Variants in KIAA1671 observed in about 807,000 individuals in gnomAD.
KIAA1671 encodes uncharacterized protein KIAA1671.
Under a neutral mutation model 131.2 loss-of-function variants are expected in KIAA1671, and 52 were observed. That is an observed-to-expected ratio of 0.40 (90% CI 0.32 to 0.50). The LOEUF (loss-of-function observed/expected upper bound fraction) is 0.50, where lower values mean the gene tolerates loss of function less well. KIAA1671 is among the 20% of genes least tolerant of loss of function. The pLI is 0.73. For missense variants in KIAA1671, 2,360 were observed against 2,364.2 expected, an observed-to-expected ratio of 1.00 and a Z score of 0.04; for synonymous variants, 1,003 against 961.6, an observed-to-expected ratio of 1.04 and a Z score of -0.80.
intron 9 of KIAA1671, chr22:25,179,596 G>A (rs1032276584): frequency 7.9e-7 from 1 of 1,265,658 alleles, no homozygotes; most frequent in African/African-American, 1.5e-5. Context: ...CCAATGCGTT[G>A]GCCTCCAGGG....
At chr22:25,050,196 T>G (rs1047627292) in intron 6 of KIAA1671, 1 of 152,314 alleles carries the variant, frequency 6.6e-6, no homozygotes, top group East Asian at 1.9e-4. Context: ...GTTTCCTTAC[T>G]TGTGAAAGGA....
intron 1 of KIAA1671, among the ~76,000 whole-genome samples, chr22:24,953,366 G>A (rs1921512819): frequency 2.0e-5 from 3 of 152,212 alleles, no homozygotes; most frequent in African/African-American, 7.2e-5. Flanking sequence ...AGGGCGGCGA[G>A]CGAGACGGAA....
rs1568951523 is a variant in KIAA1671 at position 25,093,824 on chromosome 22, T to TTCTCTCTCTCTCTCTCTCTCTC, written c.4530+44469_4530+44470insCTCTCTCTCTCTCTCTCTCTCT. On this transcript the variant is annotated intron_variant, in intron 6 of 12. Transcript: ENST00000358431. ...TCTCTCTCTCTCTGTCTCTCTCTCTTTCTCTCTCTGTCTGTCTCTCTCTCT... is the reference window on the plus strand; with the variant it reads ...TCTCTCTCTCTCTGTCTCTCTCTCTTTCTCTCTCTCTCTCTCTCTCTCTCTCTCTCTGTCTGTCTCTCTCTCT... 1.4e-4 allele frequency among the ~76,000 whole-genome samples: 3 copies of TTCTCTCTCTCTCTCTCTCTCTC among 21,920 alleles called. 1 individual carries two copies. The highest frequency in any genetic ancestry group is 4.4e-4 in the Admixed American group (1 of 2,282). 14.4% of individuals were successfully genotyped at this position (21,920 alleles called of 152,430 possible).
intron 6 of KIAA1671, among the ~76,000 whole-genome samples, chr22:25,158,758 A>G (rs1016450688): frequency 2.6e-4 from 39 of 152,184 alleles, no homozygotes; most frequent in African/African-American, 8.7e-4. Flanking sequence ...AAGTGGGGAT[A>G]GTAACAGTAC....
intron 6 of KIAA1671, among the ~76,000 whole-genome samples, chr22:25,135,584 A>G (rs1037638636): frequency 6.6e-6 from 1 of 152,198 alleles, no homozygotes; most frequent in Non-Finnish European, 1.5e-5. Flanking sequence ...CTCGAAGTCT[A>G]AAGAATTGAA....
Position 25,193,263 on chromosome 22 carries a change from C to T in KIAA1671, c.*862C>T, listed in dbSNP as rs1280941414. ...GTCACTCTTGTATTTATTTCCATGG[C>T]TTCTTTTCATTTGAGCTCTGGTTTC... On this transcript the variant is annotated 3_prime_UTR_variant, in exon 13 of 13. Coordinates refer to ENST00000358431, the MANE Select transcript of KIAA1671 (RefSeq NM_001145206.2). 6.6e-6 allele frequency: 1 copy of T among 152,098 alleles called. No individual in the cohort carries two copies. The highest frequency in any genetic ancestry group is 2.4e-5 in the African/African-American group (1 of 41,402). The allele number at this position is 152,098 out of a possible 1,614,324, so 9.4% of individuals were successfully genotyped here.
rs373577819 is a variant in KIAA1671, at chr22:25,042,023, C to A, written c.4395+498C>A. On this transcript the variant is annotated intron_variant, in intron 5 of 12. Transcript: ENST00000358431. ...CCTCCCAAAGTGCTGGGATGACAGG[C>A]GTGTGCCACCATGCCTGGCCCAGCT... 2.0e-5 allele frequency among the ~76,000 whole-genome samples: 3 copies of A among 152,152 alleles called. No individual in the cohort carries two copies. The East Asian group carries it at 5.8e-4, about 29-fold the overall frequency.
At chr22:25,190,942 T>C (rs377595201) in intron 12 of KIAA1671, among the ~76,000 whole-genome samples, 158 bp downstream of exon 12, 29 of 151,886 alleles carry the variant, frequency 1.9e-4, no homozygotes, top group Admixed American at 1.4e-3. Flanking sequence ...TGAGTTCCTG[T>C]AAAGAGGATG....
At chr22:25,156,406 CATGTGTAT>C (rs937119589) in intron 6 of KIAA1671, among the ~76,000 whole-genome samples, 3 of 151,536 alleles carry the variant, frequency 2.0e-5, no homozygotes, top group African/African-American at 7.3e-5. Flanking sequence ...TTTATATTTT[CATGTGTAT>C]ATGTGTTTGT....
At chr22:24,967,115 C>T (rs1788879759) in intron 1 of KIAA1671, among the ~76,000 whole-genome samples, 2 of 152,128 alleles carry the variant, frequency 1.3e-5, no homozygotes, top group Non-Finnish European at 2.9e-5. Flanking sequence ...ATTCTAGAGC[C>T]TCTTATTTCT....
intron 1 of KIAA1671, among the ~76,000 whole-genome samples, chr22:24,967,705 G>C (rs915503168): frequency 6.6e-6 from 1 of 152,142 alleles, no homozygotes; most frequent in African/African-American, 2.4e-5. Context: ...TTAAGACTTG[G>C]ATGAGGGCCG....
chr22:25,042,657 T>C (rs1424066077), intron 5 of KIAA1671, among the ~76,000 whole-genome samples: 2 of 151,330 alleles, frequency 1.3e-5, no homozygotes, highest in Admixed American at 6.6e-5. Flanking sequence ...TTTTTTTTAG[T>C]AGAGACGGGG....
At chr22:25,081,917 C>T (rs1929427937) in intron 6 of KIAA1671, among the ~76,000 whole-genome samples, 2 of 151,938 alleles carry the variant, frequency 1.3e-5, no homozygotes, top group Admixed American at 6.6e-5. Context: ...TAAAAATTAC[C>T]CCGCTGGGTA....
intron 6 of KIAA1671, among the ~76,000 whole-genome samples, chr22:25,110,273 C>T (rs1931263861): frequency 6.6e-6 from 1 of 152,192 alleles, no homozygotes; most frequent in Non-Finnish European, 1.5e-5. Context: ...TGACCAGTGT[C>T]TAGAAAACAA....
chr22:25,005,177 G>C (rs920055270), intron 1 of KIAA1671, among the ~76,000 whole-genome samples: 2 of 149,046 alleles, frequency 1.3e-5, no homozygotes, highest in African/African-American at 5.0e-5. Context: ...GTGAAACCCT[G>C]TCTCTACTAA....
At chr22:25,179,105 G>T (rs932945035) in intron 9 of KIAA1671, among the ~76,000 whole-genome samples, 4 of 152,124 alleles carry the variant, frequency 2.6e-5, no homozygotes, top group Admixed American at 1.3e-4. Context: ...CGCGTCTCAC[G>T]CCCGGCGGCT....
At chr22:24,954,754 CT>C (rs1376473333) in intron 1 of KIAA1671, among the ~76,000 whole-genome samples, 1 of 151,964 alleles carries the variant, frequency 6.6e-6, no homozygotes, top group Non-Finnish European at 1.5e-5. Flanking sequence ...CTAGGGGCTG[CT>C]TTTTTTCGTT....
chr22:25,120,122 G>T (rs1176742039), intron 6 of KIAA1671, among the ~76,000 whole-genome samples: 1 of 152,124 alleles, frequency 6.6e-6, no homozygotes, highest in African/African-American at 2.4e-5. Flanking sequence ...AAAGAACTGG[G>T]GTCCAGCTGC....
rs181914813 is a variant in KIAA1671, at chr22:24,982,319, T to C, written c.-208+29547T>C. ...AAATGCCGCTTTCACTGCAGGTTTT[T>C]GGGCTAGAAGTGGCCTTACTCTCTC... On this transcript the variant is annotated intron_variant, in intron 1 of 12. Transcript: ENST00000358431. 4.5e-4 allele frequency among the ~76,000 whole-genome samples: 68 copies of C among 152,376 alleles called. No homozygotes were observed. In the East Asian group the frequency reaches 7.3e-3, roughly 16 times the overall value.
Sources: gnomAD v4.1 joint callset for allele counts (sites outside exome capture counted in the v4.1 genomes callset) on GRCh38, gnomAD v4.1.1 for gene constraint, MANE v1.5 for transcripts, NCBI Gene and HGNC (gene_info 2026-07-23, HGNC 2026-07-21) for gene names.